WWP2: variants seen among roughly 807,000 people sequenced by gnomAD.
WWP2 encodes the protein NEDD4-like E3 ubiquitin-protein ligase WWP2.
A neutral mutation model predicts 121.0 loss-of-function variants in WWP2; 57 were observed. The ratio of observed to expected loss-of-function variants is 0.47; its 90% CI spans 0.38 to 0.59. The LOEUF (loss-of-function observed/expected upper bound fraction) is 0.59. WWP2 is among the 20% of genes least tolerant of loss of function. The pLI, the probability that WWP2 is intolerant of heterozygous loss-of-function variation, is 0.00. For missense variants in WWP2, 962 were observed against 1,158.9 expected (o/e 0.83, Z 2.47); for synonymous variants, 449 against 441.3 (o/e 1.02, Z -0.22).
chr16:69,812,285 C>T (rs2056407976), intron 4 of WWP2, among the ~76,000 whole-genome samples: 1 of 148,664 alleles, frequency 6.7e-6, no homozygotes, highest in East Asian at 2.0e-4. Context: ...TCCACCTTAG[C>T]CTCCTGAGTA....
intron 8 of WWP2, among the ~76,000 whole-genome samples, chr16:69,908,020 C>T (rs1350208214): frequency 2.0e-5 from 3 of 152,088 alleles, no homozygotes; most frequent in African/African-American, 7.2e-5. Flanking sequence ...GTGGGTGGGT[C>T]GCTTGAGCTC....
At chr16:69,861,769 G>A (rs950798921) in intron 6 of WWP2, among the ~76,000 whole-genome samples, 1 of 151,516 alleles carries the variant, frequency 6.6e-6, no homozygotes, top group African/African-American at 2.4e-5. Flanking sequence ...TCCCATTACG[G>A]CTTCCTTTTT....
chr16:69,927,656 A>T (rs2058658505), intron 11 of WWP2, among the ~76,000 whole-genome samples: 1 of 152,194 alleles, frequency 6.6e-6, no homozygotes. Context: ...TTGGCCCTTA[A>T]CAGGGCAGAC....
At chr16:69,807,739 G>C (rs1265340990) in intron 4 of WWP2, among the ~76,000 whole-genome samples, 3 of 151,880 alleles carry the variant, frequency 2.0e-5, no homozygotes. Flanking sequence ...GATTGCTTGA[G>C]CTCAGGAATT....
intron 6 of WWP2, among the ~76,000 whole-genome samples, chr16:69,862,536 C>T (rs2057441358): frequency 6.6e-6 from 1 of 152,050 alleles, no homozygotes; most frequent in African/African-American, 2.4e-5. Context: ...CAGGCATGAG[C>T]CACCATGCCT....
rs2057960057 is a variant in WWP2 at position 69,888,186 on chromosome 16, C to T, written c.851C>T (p.Pro284Leu). Residue 284 changes from proline to leucine, a missense_variant, in exon 8 of 24, where the codon CCC becomes CTC. Physicochemically the swap from Pro to Leu is moderately conservative, Grantham distance 98. Coordinates refer to ENST00000359154, the MANE Select transcript of WWP2 (RefSeq NM_001270454.2). ...GCCACACCGGCTGAAGGAGAGGAAC[C>T]CAGCACTTCGGGTACACAGCAGCTC... ...APATPAEGEE[P>L]STSGTQQLPA... 2 of 1,614,226 alleles carry T rather than the reference C, an allele frequency of 1.2e-6. No homozygotes were observed. The highest frequency in any genetic ancestry group is 1.7e-6 in the Non-Finnish European group (2 of 1,180,046).
Position 69,937,432 on chromosome 16 carries a change from T to A in WWP2, c.2239-116T>A. The A allele has an allele frequency of 7.4e-7, 1 of 1,358,558 alleles. No homozygotes were observed. The highest frequency in any genetic ancestry group is 1.0e-6 in the Non-Finnish European group (1 of 979,366). The allele number at this position is 1,358,558 out of a possible 1,614,324, so 84.2% of individuals were successfully genotyped here. On this transcript the variant is annotated intron_variant, in intron 20 of 23. Transcript: ENST00000359154. The surrounding 1 kb of genome is among the most constrained non-coding windows in gnomAD (Gnocchi z 6.6). ...CAGGGACTTACATTACCCATATTAT[T>A]AACGCTGACACCAAAAATAGCTAGT...
chr16:69,821,887 T>C (rs1242250731), intron 4 of WWP2, among the ~76,000 whole-genome samples: 5 of 151,826 alleles, frequency 3.3e-5, no homozygotes, highest in Non-Finnish European at 7.4e-5. Flanking sequence ...TTTTTTTAAA[T>C]AAGAAACAGG....
chr16:69,855,539 TGCGAAAAA>T (rs1365565395), intron 6 of WWP2, among the ~76,000 whole-genome samples: 5 of 152,220 alleles, frequency 3.3e-5, no homozygotes, highest in African/African-American at 9.6e-5. Context: ...GTTTGATTCA[TGCGAAAAA>T]TATGTATAAA....
chr16:69,861,110 C>T (rs1453886879), intron 6 of WWP2, among the ~76,000 whole-genome samples: 2 of 152,202 alleles, frequency 1.3e-5, no homozygotes, highest in East Asian at 1.9e-4. Context: ...ATCTCCTAAG[C>T]GGCAACAGTG....
In WWP2 at chr16:69,799,216, C is replaced by A; in HGVS notation, c.261C>A (p.Ser87Arg). ...GTCATTTAGATTTAAAGGTCTGGAG[C>A]TGCCATACCTTGAGAAATGAACTGC... The part of the protein sequence containing the change: ...AQSHLDLKVW[S>R]CHTLRNELLG... Residue 87 changes from serine to arginine, a missense_variant, in exon 4 of 24, where the codon AGC becomes AGA. Around this residue, in one of 3 missense-constraint regions of WWP2, gnomAD observed 145 missense variants for 189.8 expected, o/e 0.76. Coordinates refer to ENST00000359154, the MANE Select transcript of WWP2 (RefSeq NM_001270454.2). This position sits in a 1 kb window ranked among gnomAD's most constrained non-coding sequence, Gnocchi z 4.5. 1.2e-6 allele frequency: 2 copies of A among 1,614,076 alleles called. No individual in the cohort carries two copies. Among genetic ancestry groups the A allele is most frequent in the Non-Finnish European group, 1.7e-6 (2 of 1,179,986 alleles).
Position 69,849,482 on chromosome 16 carries a change from T to TATTTATTCATTCATTC in WWP2, c.575+7365_575+7366insTATTCATTCATTCATT, listed in dbSNP as rs1555553863. ...AATAAGTGTTATTTATTTATTTATT[T>TATTTATTCATTCATTC]ATTCATTCATTCATTCATTCATTCA... On this transcript the variant is annotated intron_variant, in intron 6 of 23. Transcript: ENST00000359154. Among the ~76,000 whole-genome samples, 406 of 149,662 alleles carry TATTTATTCATTCATTC rather than the reference T, an allele frequency of 2.7e-3. 2 individuals are homozygous for TATTTATTCATTCATTC. Among genetic ancestry groups the TATTTATTCATTCATTC allele is most frequent in the Non-Finnish European group, 3.5e-3 (235 of 67,618 alleles).
chr16:69,802,261 A>T (rs1166121030), intron 4 of WWP2, among the ~76,000 whole-genome samples: 6 of 152,192 alleles, frequency 3.9e-5, no homozygotes, highest in Non-Finnish European at 8.8e-5. Context: ...AATACACATG[A>T]TGTAAAATTA....
intron 7 of WWP2, among the ~76,000 whole-genome samples, chr16:69,882,459 G>A (rs1034926852): frequency 1.3e-5 from 2 of 152,116 alleles, no homozygotes; most frequent in African/African-American, 2.4e-5. Flanking sequence ...TTTATCAAAT[G>A]TTAAGCATTA....
chr16:69,782,708 A>G (rs8050369), intron 1 of WWP2, among the ~76,000 whole-genome samples: 131,319 of 152,226 alleles, frequency 0.86, 56,883 homozygotes, highest in Admixed American at 0.92. Flanking sequence ...TTTGGAAACT[A>G]GATATATCAC....
At chr16:69,789,680 T>A (rs2055867898) in intron 2 of WWP2, among the ~76,000 whole-genome samples, 1 of 152,224 alleles carries the variant, frequency 6.6e-6, no homozygotes. Context: ...AGGAATACCC[T>A]TCTAGCAATG....
In WWP2 at chr16:69,778,165, T is replaced by G. The variant is rs947493249; in HGVS notation, c.-15-8831T>G. Among the ~76,000 whole-genome samples the G allele has an allele frequency of 1.1e-4, 14 of 126,406 alleles. No homozygotes were observed. In the South Asian group the frequency reaches 3.2e-3, roughly 29 times the overall value. 82.9% of individuals were successfully genotyped at this position (126,406 alleles called of 152,430 possible). A position where few individuals can be genotyped will look rare whatever the true frequency, so the allele number is the denominator to read the frequency against. On this transcript the variant is annotated intron_variant, in intron 1 of 23. Transcript: ENST00000359154. ...CACATATATACATACACACTCATAC[T>G]ATAAATAAATATATATATATATATA...
At chr16:69,788,113 A>C (rs1370707182) in intron 2 of WWP2, 1 of 152,240 alleles carries the variant, frequency 6.6e-6, no homozygotes, top group Admixed American at 6.6e-5. Context: ...CTGTAATATC[A>C]GCACTTTGGG....
In WWP2 at chr16:69,929,422, G is replaced by A. The variant is rs368182407; in HGVS notation, c.1235-26G>A. ...CCGGCTCTCCGTGTTTGAATCTGAT[G>A]TTCTTTCTTTCTTCTCATGTGGCAG... On this transcript the variant is annotated intron_variant, in intron 11 of 23. Transcript: ENST00000359154. The A allele has an allele frequency of 2.5e-6, 4 of 1,607,518 alleles. No homozygotes were observed. In the African/African-American group the frequency reaches 4.0e-5, roughly 16 times the overall value.
Sources: allele counts gnomAD v4.1 joint callset (sites outside exome capture counted in the v4.1 genomes callset), GRCh38; gene constraint gnomAD v4.1.1; regional missense constraint gnomAD v4.1.1; non-coding constraint Gnocchi (gnomAD v3.1); transcripts MANE v1.5; gene names NCBI Gene and HGNC (gene_info 2026-07-23, HGNC 2026-07-21).